SLC35F4: variants seen among roughly 807,000 people sequenced by gnomAD.
SLC35F4 encodes chromosome 14 open reading frame 36.
A neutral mutation model predicts 44.2 loss-of-function variants in SLC35F4; 24 were observed. That is an observed-to-expected ratio of 0.54 (90% confidence interval 0.39 to 0.76). The LOEUF is 0.76. SLC35F4 is among the 30% of genes least tolerant of loss of function. The pLI, the probability that SLC35F4 is intolerant of heterozygous loss-of-function variation, is 0.00. For missense variants in SLC35F4, 562 were observed against 586.1 expected (o/e 0.96, Z 0.42); for synonymous variants, 238 against 223.6 (o/e 1.06, Z -0.57).
rs368064898 is a variant in SLC35F4 at position 57,672,522 on chromosome 14, C to T, written c.104-78398G>A. Among the ~76,000 whole-genome samples the T allele has an allele frequency of 1.2e-4, 18 of 152,170 alleles. No homozygotes were observed. The East Asian group carries it at 3.1e-3, about 26-fold the overall frequency. On this transcript the variant is annotated intron_variant, in intron 1 of 7. Coordinates refer to ENST00000556826, the MANE Select transcript of SLC35F4 (RefSeq NM_001306087.2). The stretch of plus-strand genomic sequence containing the variant: ...TTCCTACTAAGCCCACAAAGATATG[C>T]TATTGGCCCCTGTGAAGCATGTTAC...
At chr14:57,975,138 G>C (rs200868741), downstream of SLC35F4, among the ~76,000 whole-genome samples, 205 of 152,292 alleles carry the variant, frequency 1.3e-3, no homozygotes, top group Non-Finnish European at 2.1e-3. Flanking sequence ...ATTACATAAA[G>C]AGTTGATCAT....
intron 1 of SLC35F4, among the ~76,000 whole-genome samples, chr14:57,874,285 G>A (rs1223245571): frequency 2.6e-5 from 4 of 152,102 alleles, no homozygotes; most frequent in East Asian, 3.9e-4. Context: ...TAATCTTCTC[G>A]ACAGTGCATA....
At chr14:57,668,065 T>C (rs1178254853) in intron 1 of SLC35F4, among the ~76,000 whole-genome samples, 1 of 149,854 alleles carries the variant, frequency 6.7e-6, no homozygotes, top group Non-Finnish European at 1.5e-5. Flanking sequence ...GGTTTTGATT[T>C]GCATTTCTCT....
intron 1 of SLC35F4, among the ~76,000 whole-genome samples, chr14:57,710,344 G>A (rs1431990129): frequency 6.6e-6 from 1 of 152,228 alleles, no homozygotes; most frequent in Non-Finnish European, 1.5e-5. Context: ...GTATGAAAAT[G>A]CCTGAACATC....
At chr14:57,958,734 C>A (rs1389523479) in intron 1 of SLC35F4, among the ~76,000 whole-genome samples, 1 of 152,104 alleles carries the variant, frequency 6.6e-6, no homozygotes, top group Non-Finnish European at 1.5e-5. Flanking sequence ...ACTGGCAATA[C>A]CAAGCGCTGA....
chr14:57,853,605 T>G (rs448048), intron 1 of SLC35F4, among the ~76,000 whole-genome samples: 1 of 152,198 alleles, frequency 6.6e-6, no homozygotes, highest in Non-Finnish European at 1.5e-5. Context: ...AATCTGGATT[T>G]AGAAGTAAGA....
At chr14:57,950,978 T>C (rs956111628) in intron 1 of SLC35F4, among the ~76,000 whole-genome samples, 2 of 152,140 alleles carry the variant, frequency 1.3e-5, no homozygotes, top group South Asian at 2.1e-4. Context: ...ATAGACTGTT[T>C]CTTAAAATTG....
intron 1 of SLC35F4, among the ~76,000 whole-genome samples, chr14:57,845,064 T>G (rs182580496): frequency 3.4e-4 from 52 of 152,266 alleles, no homozygotes; most frequent in Admixed American, 3.4e-3. Context: ...GAGAAGGAAG[T>G]AAGCCCTTTA....
intron 1 of SLC35F4, among the ~76,000 whole-genome samples, chr14:57,922,921 A>C (rs1889469942): frequency 6.6e-6 from 1 of 152,352 alleles, no homozygotes; most frequent in Admixed American, 6.5e-5. Flanking sequence ...TAAGAAAATA[A>C]AAGTTAAAGA....
At chr14:57,737,461 T>C (rs988987809) in intron 1 of SLC35F4, among the ~76,000 whole-genome samples, 1 of 152,180 alleles carries the variant, frequency 6.6e-6, no homozygotes, top group Non-Finnish European at 1.5e-5. Flanking sequence ...AACTGTGAAC[T>C]GGGGCACTTA....
At chr14:57,796,892 C>T (rs1595086113) in intron 1 of SLC35F4, among the ~76,000 whole-genome samples, 1 of 152,194 alleles carries the variant, frequency 6.6e-6, no homozygotes, top group Non-Finnish European at 1.5e-5. Context: ...TCTCAGATGA[C>T]AGGTGACATT....
chr14:57,946,469 C>CTTTTTTTTTTTTTTTT (rs71104596), intron 1 of SLC35F4, among the ~76,000 whole-genome samples: 3 of 78,214 alleles, frequency 3.8e-5, no homozygotes, highest in African/African-American at 1.2e-4. Flanking sequence ...GTTTTCTTTT[C>CTTTTTTTTTTTTTTTT]TTTTTTTTTT....
At chr14:57,928,744 A>G (rs1889632729) in intron 1 of SLC35F4, among the ~76,000 whole-genome samples, 1 of 152,250 alleles carries the variant, frequency 6.6e-6, no homozygotes, top group Admixed American at 6.5e-5. Flanking sequence ...CCAAGATGAC[A>G]GAGATGCTAG....
At chr14:57,712,005 C>G (rs1266867368) in intron 1 of SLC35F4, among the ~76,000 whole-genome samples, 1 of 152,142 alleles carries the variant, frequency 6.6e-6, no homozygotes, top group Non-Finnish European at 1.5e-5. Context: ...CTGTACATTA[C>G]TTAGAGAAAC....
chr14:57,947,787 T>C (rs1233155091), intron 1 of SLC35F4, among the ~76,000 whole-genome samples: 2 of 152,210 alleles, frequency 1.3e-5, no homozygotes, highest in African/African-American at 4.8e-5. Flanking sequence ...GAGATGATCA[T>C]ATGATTTTTG....
At chr14:57,972,308 A>C (rs931945492), downstream of SLC35F4, among the ~76,000 whole-genome samples, 3 of 152,160 alleles carry the variant, frequency 2.0e-5, no homozygotes, top group African/African-American at 7.2e-5. Context: ...TGGAGGCTAC[A>C]TGGAAAGAGT....
chr14:57,613,579 G>A (rs1200155963), intron 1 of SLC35F4, among the ~76,000 whole-genome samples: 1 of 152,222 alleles, frequency 6.6e-6, no homozygotes, highest in Non-Finnish European at 1.5e-5. Context: ...GGCAGCAATA[G>A]TCCGAGCAAA....
chr14:57,954,911 T>A (rs1164531293), intron 1 of SLC35F4, among the ~76,000 whole-genome samples: 5 of 145,672 alleles, frequency 3.4e-5, no homozygotes, highest in Non-Finnish European at 7.4e-5. Context: ...GAGGCACTCT[T>A]CCCTAACACA....
intron 1 of SLC35F4, among the ~76,000 whole-genome samples, chr14:57,728,670 A>T (rs2076273247): frequency 6.6e-6 from 1 of 151,842 alleles, no homozygotes. Flanking sequence ...GGCTAGTCTC[A>T]GGGGGAAGTC....
Sources: gnomAD v4.1 joint callset for allele counts (sites outside exome capture counted in the v4.1 genomes callset) on GRCh38, gnomAD v4.1.1 for gene constraint, MANE v1.5 for transcripts, NCBI Gene and HGNC (gene_info 2026-07-23, HGNC 2026-07-21) for gene names.